IQSEC1: variants seen among roughly 807,000 people sequenced by gnomAD.
The protein encoded by IQSEC1 is IQ motif and SEC7 domain-containing protein 1.
Under a neutral mutation model 91.0 loss-of-function variants are expected in IQSEC1, and 31 were observed. The ratio of observed to expected loss-of-function variants is 0.34; its 90% CI spans 0.26 to 0.46. The LOEUF (loss-of-function observed/expected upper bound fraction) is 0.46, where lower values mean the gene tolerates loss of function less well. Among genes scored for constraint, IQSEC1 ranks in the 20% least tolerant of loss-of-function variants. The probability of loss-of-function intolerance (pLI) is 1.00; values close to 1 mark genes in which losing one functional copy is unlikely to be tolerated. For missense variants in IQSEC1, 1,388 were observed against 1,575.6 expected, an observed-to-expected ratio of 0.88 and a Z score of 2.02; for synonymous variants, 699 against 662.6, an observed-to-expected ratio of 1.05 and a Z score of -0.84.
intron 1 of IQSEC1, among the ~76,000 whole-genome samples, chr3:13,201,625 T>A (rs1694248473): frequency 6.6e-6 from 1 of 152,238 alleles, no homozygotes; most frequent in Non-Finnish European, 1.5e-5. Context: ...ATTATGGGCC[T>A]TAGCCACCGT....
intron 1 of IQSEC1, among the ~76,000 whole-genome samples, chr3:13,257,087 G>A (rs1253023172): frequency 3.3e-5 from 5 of 152,160 alleles, no homozygotes; most frequent in Admixed American, 1.3e-4. Flanking sequence ...GGGAGGCAGC[G>A]AGTATAAACT....
At chr3:12,950,776 G>A (rs1023287485) in intron 1 of IQSEC1, among the ~76,000 whole-genome samples, 26 of 152,040 alleles carry the variant, frequency 1.7e-4, no homozygotes, top group Non-Finnish European at 1.3e-4. Context: ...CCAAGTAGCT[G>A]GGACTACAGG....
At position 12,983,870 on chromosome 3, in the gene IQSEC1, C is replaced by A. The variant is rs1701592591; in HGVS notation, c.24-42005G>T. ...TTGTGGATGAAATGAATATGCCCAGCTCATGTATGTCCCTGTCCCCAAATC... is the reference window on the plus strand; with the variant it reads ...TTGTGGATGAAATGAATATGCCCAGATCATGTATGTCCCTGTCCCCAAATC... On this transcript the variant is annotated intron_variant, in intron 1 of 13. Coordinates refer to ENST00000613206, the MANE Select transcript of IQSEC1 (RefSeq NM_001134382.3). The surrounding 1 kb of genome is among the most constrained non-coding windows in gnomAD (Gnocchi z 4.3). 6.6e-6 allele frequency among the ~76,000 whole-genome samples: 1 copy of A among 151,904 alleles called. No homozygotes were observed. Among genetic ancestry groups the A allele is most frequent in the South Asian group, 2.1e-4 (1 of 4,834 alleles).
intron 1 of IQSEC1, among the ~76,000 whole-genome samples, chr3:13,044,949 G>A (rs565882741): frequency 6.6e-6 from 1 of 152,372 alleles, no homozygotes; most frequent in East Asian, 1.9e-4. Context: ...TCCTGGACCT[G>A]GCACCAATGC....
intron 1 of IQSEC1, among the ~76,000 whole-genome samples, chr3:13,181,123 T>A (rs1436264480): frequency 6.6e-6 from 1 of 152,018 alleles, no homozygotes; most frequent in Non-Finnish European, 1.5e-5. Context: ...TACAAAAAAT[T>A]AGCCGGGCGT....
At chr3:13,127,686 G>T (rs770924644) in intron 2 of IQSEC1, among the ~76,000 whole-genome samples, 2 of 152,034 alleles carry the variant, frequency 1.3e-5, no homozygotes, top group Non-Finnish European at 2.9e-5. Flanking sequence ...AAAACTCCTT[G>T]CTTGGATTCT....
intron 1 of IQSEC1, among the ~76,000 whole-genome samples, chr3:13,226,263 A>C (rs544663434): frequency 1.5e-4 from 23 of 152,310 alleles, no homozygotes; most frequent in Admixed American, 9.1e-4. Context: ...CTGGATTTGA[A>C]TCCCAAGTTT....
chr3:12,951,189 A>G lies in IQSEC1; in HGVS notation c.24-9324T>C, dbSNP rs184983031. Among the ~76,000 whole-genome samples the G allele has an allele frequency of 1.7e-3, 256 of 152,350 alleles. 1 individual carries two copies. Among genetic ancestry groups the G allele is most frequent in the African/African-American group, 5.4e-3 (223 of 41,586 alleles). On this transcript the variant is annotated intron_variant, in intron 1 of 13. Transcript: ENST00000613206. ...TGTAATCCCAGTACTTTAGGAGGCC[A>G]AGGAGGATGGATCACCTGAGCCCAG...
intron 1 of IQSEC1, among the ~76,000 whole-genome samples, chr3:13,018,231 G>A (rs1703233614): frequency 6.6e-6 from 1 of 152,224 alleles, no homozygotes; most frequent in African/African-American, 2.4e-5. Context: ...TGGCCCTCCT[G>A]CAGAGGGGCA....
chr3:13,109,062 C>T (rs1706198373), intron 2 of IQSEC1, among the ~76,000 whole-genome samples: 1 of 152,146 alleles, frequency 6.6e-6, no homozygotes, highest in Non-Finnish European at 1.5e-5. Flanking sequence ...GCTCCAGTGG[C>T]CTCCAACCAC....
rs572843857 is a variant in IQSEC1 at position 12,954,345 on chromosome 3, C to A, written c.24-12480G>T. ...AACCTGGAATCAGATCTCCCTCCCC[C>A]CTCACAGCTTCAGGGGCTCGCATGG... is the stretch of plus-strand genomic sequence containing the variant. On this transcript the variant is annotated intron_variant, in intron 1 of 13. Transcript: ENST00000613206. Among the ~76,000 whole-genome samples, 19 of 152,354 alleles carry A rather than the reference C, an allele frequency of 1.2e-4. 1 individual carries two copies. The highest frequency in any genetic ancestry group is 6.5e-4 in the Admixed American group (10 of 15,306).
intron 1 of IQSEC1, among the ~76,000 whole-genome samples, chr3:12,964,292 C>A (rs1017474162): frequency 2.2e-4 from 18 of 83,268 alleles, no homozygotes; most frequent in African/African-American, 7.1e-4. Context: ...TTTGAGCATA[C>A]TCCCCCTACA....
At chr3:13,001,168 C>T (rs1702407174) in intron 1 of IQSEC1, among the ~76,000 whole-genome samples, 1 of 151,884 alleles carries the variant, frequency 6.6e-6, no homozygotes, top group South Asian at 2.1e-4. Context: ...ACCATGTTGG[C>T]CAGGCTGGTC....
intron 2 of IQSEC1, among the ~76,000 whole-genome samples, chr3:13,130,828 G>A (rs1029240290): frequency 2.6e-5 from 4 of 151,944 alleles, no homozygotes; most frequent in Non-Finnish European, 4.4e-5. Flanking sequence ...GGTGGCACAT[G>A]CCTGTAGTCC....
intron 1 of IQSEC1, among the ~76,000 whole-genome samples, chr3:13,187,947 C>T (rs571178464): frequency 6.6e-6 from 1 of 152,204 alleles, no homozygotes; most frequent in African/African-American, 2.4e-5. Context: ...ACCTGATCAC[C>T]CCCCAGAGGC....
At chr3:13,221,762 C>T (rs1216305951) in intron 1 of IQSEC1, among the ~76,000 whole-genome samples, 3 of 152,256 alleles carry the variant, frequency 2.0e-5, no homozygotes, top group Admixed American at 6.5e-5. Flanking sequence ...GAGCTGCCTC[C>T]GGCATTGGCA....
intron 1 of IQSEC1, among the ~76,000 whole-genome samples, chr3:13,174,972 C>T (rs1302297075): frequency 6.6e-6 from 1 of 152,152 alleles, no homozygotes; most frequent in Non-Finnish European, 1.5e-5. Flanking sequence ...CATGCGCTGC[C>T]CCAGGCACAC....
At chr3:13,158,175 C>T (rs1001126847) in intron 2 of IQSEC1, among the ~76,000 whole-genome samples, 1 of 152,228 alleles carries the variant, frequency 6.6e-6, no homozygotes, top group Non-Finnish European at 1.5e-5. Context: ...CTCAGTCCAG[C>T]ACCTCCAAAA....
intron 1 of IQSEC1, among the ~76,000 whole-genome samples, chr3:13,028,947 C>A (rs931337008): frequency 1.3e-5 from 2 of 152,186 alleles, no homozygotes; most frequent in Non-Finnish European, 2.9e-5. Flanking sequence ...CCTCACAAGC[C>A]GTTCCTCACA....
Sources: allele counts gnomAD v4.1 joint callset (sites outside exome capture counted in the v4.1 genomes callset), GRCh38; gene constraint gnomAD v4.1.1; non-coding constraint Gnocchi (gnomAD v3.1); transcripts MANE v1.5; gene names NCBI Gene and HGNC (gene_info 2026-07-23, HGNC 2026-07-21).